Variants in PTPN18 observed in about 807,000 individuals in gnomAD.
The protein encoded by PTPN18 is protein tyrosine phosphatase non-receptor type 18.
Under a neutral mutation model 65.4 loss-of-function variants are expected in PTPN18, and 65 were observed. The observed-to-expected ratio is 0.99, with a 90% confidence interval of 0.81 to 1.22. PTPN18 has a LOEUF of 1.22. Ranked by LOEUF, PTPN18 falls within the 50% of genes most tolerant of loss-of-function variation. The pLI is 0.00. For synonymous variants in PTPN18, 255 were observed against 267.8 expected, an observed-to-expected ratio of 0.95 and a Z score of 0.47; for missense variants, 616 against 646.5, an observed-to-expected ratio of 0.95 and a Z score of 0.51.
chr2:130,360,354 A>T (rs1680153643), intron 5 of PTPN18, among the ~76,000 whole-genome samples: 1 of 152,230 alleles, frequency 6.6e-6, no homozygotes, highest in South Asian at 2.1e-4. Context: ...GCATGTCAAT[A>T]TTGAAGGCTG....
Position 130,372,381 on chromosome 2 carries a change from G to A in PTPN18, c.1138G>A (p.Ala380Thr), listed in dbSNP as rs548772725. Residue 380 changes from alanine to threonine, a missense_variant, in exon 13 of 15, where the codon GCG becomes ACG. This residue lies in a region of PTPN18 where 368 missense variants were observed against 386.7 expected (regional missense o/e 0.95). Transcript: ENST00000175756. ...TQTGTGTGTGARSAEEAPLYS... is the reference protein window; with the variant it reads ...TQTGTGTGTGTRSAEEAPLYS... ...GACGGGGACGGGGACGGGGACGGGGGCGCGCAGCGCGGAGGAGGCGCCGCT... is the reference window on the plus strand; with the variant it reads ...GACGGGGACGGGGACGGGGACGGGGACGCGCAGCGCGGAGGAGGCGCCGCT... 3 of 1,366,864 alleles carry A rather than the reference G, an allele frequency of 2.2e-6. No individual in the cohort carries two copies. Among genetic ancestry groups the A allele is most frequent in the African/African-American group, 1.5e-5 (1 of 65,244 alleles). 84.7% of individuals were successfully genotyped at this position (1,366,864 alleles called of 1,614,324 possible).
At chr2:130,372,687 T>A in intron 13 of PTPN18, 186 bp from the exon 14 acceptor site, 2 of 953,074 alleles carry the variant, frequency 2.1e-6, no homozygotes, top group East Asian at 2.7e-5. Flanking sequence ...AGGGGCAGGG[T>A]TCCTGGCAAT....
chr2:130,372,194 C>G, intron 12 of PTPN18, 63 bp from the exon 13 acceptor site: 2 of 1,457,204 alleles, frequency 1.4e-6, no homozygotes, highest in Non-Finnish European at 1.8e-6. Flanking sequence ...GCTGAGCAGC[C>G]TCCCCACTCC....
chr2:130,366,998 A>AT (rs1017239850), intron 5 of PTPN18, among the ~76,000 whole-genome samples: 2 of 147,840 alleles, frequency 1.4e-5, no homozygotes, highest in African/African-American at 2.5e-5. Flanking sequence ...ACTAAAAAAG[A>AT]TTTTTTTTAG....
chr2:130,366,411 A>G (rs1680382481), intron 5 of PTPN18, among the ~76,000 whole-genome samples: 1 of 152,222 alleles, frequency 6.6e-6, no homozygotes, highest in African/African-American at 2.4e-5. Flanking sequence ...TTTGTATTCT[A>G]CTAATATGGT....
In PTPN18 at chr2:130,369,773, G is replaced by A. The variant is rs145552228; in HGVS notation, c.492G>A (p.Glu164=). 6.1e-5 allele frequency: 97 copies of A among 1,597,562 alleles called. No homozygotes were observed. Among genetic ancestry groups the A allele is most frequent in the African/African-American group, 5.2e-4 (39 of 74,424 alleles). Residue 164 remains glutamate (E), a synonymous_variant, in exon 7 of 15, where the codon GAG becomes GAA. Transcript: ENST00000175756. ...TGLFCITLIK[E]KWLNEDIMLR... ...CCACCCCCCTTACTCAGATAAAGGA[G>A]AAGTGGCTGAATGAGGACATCATGC...
intron 5 of PTPN18, among the ~76,000 whole-genome samples, chr2:130,364,252 T>G (rs1680316343): frequency 6.6e-6 from 1 of 152,184 alleles, no homozygotes; most frequent in Admixed American, 6.5e-5. Context: ...GTAACCTCTA[T>G]TCTCCTTTCT....
At position 130,370,949 on chromosome 2, in the gene PTPN18, C is replaced by G. The variant is rs1406242522; in HGVS notation, c.909C>G (p.Tyr303Ter). Residue 303 changes from tyrosine (Y) to a stop codon, truncating the protein, a stop_gained, in exon 11 of 15, where the codon TAC (tyrosine) becomes TAG (stop). Coordinates refer to ENST00000175756, the MANE Select transcript of PTPN18 (RefSeq NM_014369.4). LOFTEE classifies it high-confidence loss of function. Reference protein sequence around the residue: ...CSTLQNASPHYQNIKENCAPL... With the variant: ...CSTLQNASPH ...CACTCCAGAATGCCAGCCCCCACTA[C>G]CAGAACATCAAAGAGGTACAGAGGC... The G allele has an allele frequency of 6.2e-7, 1 of 1,613,924 alleles. No homozygotes were observed. Among genetic ancestry groups the G allele is most frequent in the African/African-American group, 1.3e-5 (1 of 74,910 alleles).
At chr2:130,356,437 G>A (rs7570220) in intron 1 of PTPN18, among the ~76,000 whole-genome samples, 18,641 of 150,892 alleles carry the variant, frequency 0.12, 1,356 homozygotes, top group Non-Finnish European at 0.16. Flanking sequence ...GGGACGGACC[G>A]TGCACACCCT....
At chr2:130,360,369 C>T (rs1259032411) in intron 5 of PTPN18, among the ~76,000 whole-genome samples, 1 of 152,178 alleles carries the variant, frequency 6.6e-6, no homozygotes, top group Non-Finnish European at 1.5e-5. Flanking sequence ...AGGCTGAAGG[C>T]ACATAGCTTC....
intron 1 of PTPN18, 37 bp downstream of exon 1, chr2:130,356,237 G>A (rs1020467853): frequency 2.4e-6 from 3 of 1,271,090 alleles, no homozygotes; most frequent in Non-Finnish European, 3.0e-6. Flanking sequence ...GGCGCGCCCC[G>A]GCCCTGGCCC....
intron 5 of PTPN18, 101 bp downstream of exon 5, chr2:130,359,747 G>T: frequency 1.5e-6 from 2 of 1,377,744 alleles, no homozygotes; most frequent in Non-Finnish European, 1.0e-6. Flanking sequence ...TCCAGCTCTT[G>T]GAGTGACCTT....
chr2:130,370,237 G>C, intron 8 of PTPN18, 47 bp downstream of exon 8: 3 of 1,601,974 alleles, frequency 1.9e-6, no homozygotes, highest in East Asian at 2.2e-5. Context: ...AGAGGGGACA[G>C]AGCATGGAGG....
chr2:130,371,152 C>T, intron 11 of PTPN18, 47 bp from the exon 12 acceptor site: 2 of 1,517,414 alleles, frequency 1.3e-6, no homozygotes, highest in Non-Finnish European at 1.8e-6. Context: ...CTTGAGAGGC[C>T]TGGCCAGCTT....
rs374179393 is a variant in PTPN18, at chr2:130,359,683, G to T, written c.414+37G>T. 6.2e-5 allele frequency: 99 copies of T among 1,598,026 alleles called. 1 individual carries two copies. In the Middle Eastern group the frequency reaches 8.3e-4, roughly 13 times the overall value. On this transcript the variant is annotated intron_variant, in intron 5 of 14. Transcript: ENST00000175756. ...CTGCCCCCAGGTTTCATGTCCTTGTGGGAGGAGGGAGGAGGGATCTTGCTA... is the reference window on the plus strand; with the variant it reads ...CTGCCCCCAGGTTTCATGTCCTTGTTGGAGGAGGGAGGAGGGATCTTGCTA...
chr2:130,371,352 TG>T, intron 12 of PTPN18, 65 bp downstream of exon 12: 1 of 1,360,878 alleles, frequency 7.3e-7, no homozygotes, highest in Non-Finnish European at 1.0e-6. Flanking sequence ...TCTTCATCCT[TG>T]GAACACCAGT....
At chr2:130,357,724 C>T (rs1461048724) in intron 1 of PTPN18, among the ~76,000 whole-genome samples, 3 of 151,900 alleles carry the variant, frequency 2.0e-5, no homozygotes, top group African/African-American at 7.3e-5. Flanking sequence ...GGCGTGGTGG[C>T]GGGCGCCTGT....
chr2:130,358,850 T>A lies in PTPN18; in HGVS notation c.94-17T>A, dbSNP rs1274618441. The A allele has an allele frequency of 1.2e-6, 2 of 1,600,912 alleles. No homozygotes were observed. The highest frequency in any genetic ancestry group is 1.7e-6 in the Non-Finnish European group (2 of 1,169,780). On this transcript the variant is annotated splice_polypyrimidine_tract_variant and intron_variant, in intron 1 of 14. Coordinates refer to ENST00000175756, the MANE Select transcript of PTPN18 (RefSeq NM_014369.4). ...CTGTCTTCTCCCCTCCCTGACCCAC[T>A]CATAATGCTCTACCAGGACATCCAG...
chr2:130,361,536 T>TTCTTTCTTTCTTTC (rs1680203341), intron 5 of PTPN18, among the ~76,000 whole-genome samples: 1 of 140,718 alleles, frequency 7.1e-6, no homozygotes, highest in African/African-American at 3.0e-5. Flanking sequence ...CTTTCTTTCT[T>TTCTTTCTTTCTTTC]TCTTTCTTTC....
Sources: gnomAD v4.1 joint callset for allele counts (sites outside exome capture counted in the v4.1 genomes callset) on GRCh38, gnomAD v4.1.1 for gene constraint, gnomAD v4.1.1 regional missense constraint, MANE v1.5 for transcripts, NCBI Gene and HGNC (gene_info 2026-07-23, HGNC 2026-07-21) for gene names.